The following FOXP2 variants were observed in gnomAD, a reference collection of about 807,000 sequenced individuals.
FOXP2 encodes the protein forkhead box P2, also known as forkhead box protein P2.
A neutral mutation model predicts 115.8 loss-of-function variants in FOXP2; 12 were observed. The observed-to-expected ratio is 0.10, with a 90% confidence interval of 0.07 to 0.17. FOXP2 has a LOEUF of 0.17. Ranked by LOEUF, FOXP2 falls within the 10% of genes least tolerant of loss-of-function variation. FOXP2 has a pLI of 1.00. For synonymous variants in FOXP2, 328 were observed against 297.7 expected, an observed-to-expected ratio of 1.10 and a Z score of -1.05; for missense variants, 629 against 843.5, an observed-to-expected ratio of 0.75 and a Z score of 3.15.
intron 1 of FOXP2, among the ~76,000 whole-genome samples, chr7:114,152,852 C>T (rs939943667): frequency 1.3e-5 from 2 of 152,058 alleles, no homozygotes; most frequent in African/African-American, 4.8e-5. Context: ...CCATACACTG[C>T]GTACCTCAGT....
intron 3 of FOXP2, among the ~76,000 whole-genome samples, chr7:114,597,917 T>C (rs1418725014): frequency 6.6e-6 from 1 of 152,210 alleles, no homozygotes; most frequent in Non-Finnish European, 1.5e-5. Context: ...CAAGCCAATA[T>C]GGACAGTGAA....
chr7:114,453,493 A>G (rs1310006331), intron 2 of FOXP2, among the ~76,000 whole-genome samples: 1 of 152,086 alleles, frequency 6.6e-6, no homozygotes. Flanking sequence ...GATATAAAAC[A>G]GTTTATTTGT....
chr7:114,406,571 G>A (rs1381850049), intron 2 of FOXP2, among the ~76,000 whole-genome samples: 1 of 151,888 alleles, frequency 6.6e-6, no homozygotes, highest in Non-Finnish European at 1.5e-5. Context: ...ACAAAGTGAG[G>A]AAACTGCTAT....
intron 1 of FOXP2, among the ~76,000 whole-genome samples, chr7:114,089,472 T>C (rs1428718581): frequency 6.6e-6 from 1 of 152,038 alleles, no homozygotes; most frequent in Non-Finnish European, 1.5e-5. Context: ...TTATGAACTA[T>C]TTATAATGTT....
At chr7:114,291,497 A>T (rs1410637576) in intron 2 of FOXP2, among the ~76,000 whole-genome samples, 2 of 152,098 alleles carry the variant, frequency 1.3e-5, no homozygotes, top group South Asian at 4.1e-4. Flanking sequence ...ATGAATTTTC[A>T]TATATGTAGA....
intron 1 of FOXP2, among the ~76,000 whole-genome samples, chr7:114,222,260 A>G (rs1794642424): frequency 6.6e-6 from 1 of 152,140 alleles, no homozygotes; most frequent in African/African-American, 2.4e-5. Flanking sequence ...GGCTCATGCA[A>G]TCCTCCCATC....
chr7:114,534,320 A>G (rs1242462764), intron 2 of FOXP2, among the ~76,000 whole-genome samples: 1 of 151,868 alleles, frequency 6.6e-6, no homozygotes, highest in Non-Finnish European at 1.5e-5. Flanking sequence ...ACTCAAAGAC[A>G]AGTTCCTTGT....
intron 3 of FOXP2, among the ~76,000 whole-genome samples, chr7:114,562,321 C>A (rs1450960189): frequency 6.6e-6 from 1 of 152,158 alleles, no homozygotes; most frequent in Non-Finnish European, 1.5e-5. Flanking sequence ...AATTGTTTCA[C>A]AAGTCTCTAG....
chr7:114,350,926 T>C (rs1038302568), intron 2 of FOXP2, among the ~76,000 whole-genome samples: 2 of 152,184 alleles, frequency 1.3e-5, no homozygotes, highest in Non-Finnish European at 2.9e-5. Context: ...GCGTATAACC[T>C]ACACACATAC....
intron 2 of FOXP2, among the ~76,000 whole-genome samples, chr7:114,309,650 C>G (rs1797096985): frequency 6.6e-6 from 1 of 152,038 alleles, no homozygotes; most frequent in Non-Finnish European, 1.5e-5. Context: ...CCATAGTTCT[C>G]AGCTCTAAAG....
chr7:114,505,840 G>A (rs868191604), intron 2 of FOXP2, among the ~76,000 whole-genome samples: 7 of 151,656 alleles, frequency 4.6e-5, no homozygotes, highest in African/African-American at 1.4e-4. Context: ...GGCGGGGGTA[G>A]TTGGGAACAT....
intron 2 of FOXP2, among the ~76,000 whole-genome samples, chr7:114,454,904 G>A (rs868200852): frequency 7.6e-4 from 102 of 133,968 alleles, no homozygotes; most frequent in Non-Finnish European, 1.3e-3. Context: ...AGCATTGGGA[G>A]ATATACCTAA....
At chr7:114,265,691 C>T (rs1200284090) in intron 1 of FOXP2, among the ~76,000 whole-genome samples, 2 of 149,932 alleles carry the variant, frequency 1.3e-5, no homozygotes, top group Admixed American at 6.6e-5. Flanking sequence ...GACTCTGCCT[C>T]TGCAGTGGGC....
intron 1 of FOXP2, among the ~76,000 whole-genome samples, chr7:114,250,008 C>T (rs1177880960): frequency 7.3e-6 from 1 of 137,644 alleles, no homozygotes; most frequent in African/African-American, 2.7e-5. Context: ...TCCAAGTGTT[C>T]TCATTGTTCA....
chr7:114,360,756 C>T (rs1791726630), intron 2 of FOXP2, among the ~76,000 whole-genome samples: 1 of 152,102 alleles, frequency 6.6e-6, no homozygotes, highest in Admixed American at 6.6e-5. Flanking sequence ...GATATACAGT[C>T]TATAAGATAA....
At position 114,281,056 on chromosome 7, in the gene FOXP2, C is replaced by G. The variant is rs571806290; in HGVS notation, c.-101-6963C>G. On this transcript the variant is annotated intron_variant, in intron 1 of 17. Coordinates refer to the FOXP2 transcript ENST00000634411. ...GTATATAACAGATGTTTAGTAATTG[C>G]AATGACTGAAGGTGAGAAAGGCTTT... is the stretch of plus-strand genomic sequence containing the variant. Among the ~76,000 whole-genome samples, 4 of 149,456 alleles carry G rather than the reference C, an allele frequency of 2.7e-5. No individual in the cohort carries two copies. The East Asian group carries it at 7.8e-4, about 29-fold the overall frequency.
chr7:114,673,039 C>T (rs1397334524), intron 16 of FOXP2, among the ~76,000 whole-genome samples: 1 of 152,116 alleles, frequency 6.6e-6, no homozygotes, highest in South Asian at 2.1e-4. Context: ...ACATACACCC[C>T]GTATACTCAT....
intron 2 of FOXP2, among the ~76,000 whole-genome samples, chr7:114,473,270 T>C (rs1796123405): frequency 6.6e-6 from 1 of 152,080 alleles, no homozygotes; most frequent in African/African-American, 2.4e-5. Context: ...GGTTCAGTAG[T>C]CTAAATATAG....
chr7:114,129,778 T>A (rs1791820974), intron 1 of FOXP2, among the ~76,000 whole-genome samples: 2 of 152,360 alleles, frequency 1.3e-5, no homozygotes, highest in South Asian at 4.1e-4. Context: ...TGTTCTGTCA[T>A]TAAGTAAAAT....
Sources: allele counts gnomAD v4.1 joint callset (sites outside exome capture counted in the v4.1 genomes callset), GRCh38; gene constraint gnomAD v4.1.1; transcripts MANE v1.5; gene names NCBI Gene and HGNC (gene_info 2026-07-23, HGNC 2026-07-21).